ABL2: variants seen among roughly 807,000 people sequenced by gnomAD.
ABL2 encodes the protein ABL proto-oncogene 2, non-receptor tyrosine kinase, also known as tyrosine-protein kinase ABL2.
A neutral mutation model predicts 107.7 loss-of-function variants in ABL2; 49 were observed. The ratio of observed to expected loss-of-function variants is 0.45; its 90% CI spans 0.36 to 0.58. The LOEUF (loss-of-function observed/expected upper bound fraction) is 0.58. Ranked by LOEUF, ABL2 falls within the 20% of genes least tolerant of loss-of-function variation. The probability of loss-of-function intolerance (pLI) is 0.00; values close to 1 mark genes in which losing one functional copy is unlikely to be tolerated. For missense variants in ABL2, 1,245 were observed against 1,457.0 expected (o/e 0.85, Z 2.37); for synonymous variants, 549 against 548.6 (o/e 1.00, Z -0.01).
intron 1 of ABL2, chr1:179,221,523 G>A (rs140106097): frequency 0.08 from 12,187 of 152,494 alleles, 635 homozygotes; most frequent in East Asian, 0.15. Flanking sequence ...CCCAGGAGGT[G>A]GAGGCTGCAG....
At chr1:179,188,005 T>C (rs940746838) in intron 1 of ABL2, among the ~76,000 whole-genome samples, 6 of 152,182 alleles carry the variant, frequency 3.9e-5, no homozygotes, top group Non-Finnish European at 1.5e-5. Context: ...TTCTTTTACT[T>C]TCTTTTTCCT....
chr1:179,169,539 C>T lies in ABL2; in HGVS notation c.158-36165G>A, dbSNP rs537572755. ...CTCCAGCCTGGGCGACAGAGCAAGA[C>T]CCCATCTCAAAATAAAAAAAAAAAA... On this transcript the variant is annotated intron_variant, in intron 1 of 11. Transcript: ENST00000502732. Among the ~76,000 whole-genome samples, 4 of 150,876 alleles carry T rather than the reference C, an allele frequency of 2.7e-5. No homozygotes were observed. The South Asian group carries it at 8.4e-4, about 32-fold the overall frequency.
chr1:179,133,288 C>A, intron 2 of ABL2, 24 bp downstream of exon 2: 8 of 1,614,094 alleles, frequency 5.0e-6, no homozygotes, highest in Non-Finnish European at 5.1e-6. Flanking sequence ...TAGTTCAAAT[C>A]TGCAACATCT....
chr1:179,214,745 T>A (rs952252449), intron 1 of ABL2, among the ~76,000 whole-genome samples: 1 of 151,850 alleles, frequency 6.6e-6, no homozygotes, highest in Non-Finnish European at 1.5e-5. Context: ...AAACAAGTAT[T>A]CATCAATAAG....
At chr1:179,217,171 G>A (rs1421520354) in intron 1 of ABL2, among the ~76,000 whole-genome samples, 2 of 151,666 alleles carry the variant, frequency 1.3e-5, no homozygotes, top group Non-Finnish European at 2.9e-5. Context: ...GCGTGCACCT[G>A]TAATCCCAGC....
chr1:179,109,366 C>T lies in ABL2; in HGVS notation c.1901G>A (p.Ser634Asn). 1 of 1,614,128 alleles carries T rather than the reference C, an allele frequency of 6.2e-7. No individual in the cohort carries two copies. The highest frequency in any genetic ancestry group is 8.5e-7 in the Non-Finnish European group (1 of 1,180,038). ...TGTCTCTTTGGCATCTTCCAAGAGG[C>T]TGCTGGGTGACTTGTCTCTTTGCTT... ...PRKQRDKSPS[S>N]LLEDAKETCF... Residue 634 changes from serine (S) to asparagine (N), a missense_variant, in exon 12 of 12, where the codon AGC becomes AAC. Coordinates refer to ENST00000502732, the MANE Select transcript of ABL2 (RefSeq NM_007314.4).
chr1:179,223,812 C>T (rs1034745892), intron 1 of ABL2, among the ~76,000 whole-genome samples: 6 of 151,940 alleles, frequency 3.9e-5, no homozygotes, highest in Non-Finnish European at 7.4e-5. Context: ...GTGCCAACAG[C>T]CTTCATTCCA....
rs1321430529 is a variant in ABL2, at chr1:179,107,905, G to A, written c.3362C>T (p.Ser1121Leu). 4 of 1,614,128 alleles carry A rather than the reference G, an allele frequency of 2.5e-6. No individual in the cohort carries two copies. Among genetic ancestry groups the A allele is most frequent in the East Asian group, 4.5e-5 (2 of 44,904 alleles). ...TTGAGGGATGCAGTCCACATAGCCT[G>A]AGCAGTAGTCAAGCAGCTGGTGTCC... ...DTGHQLLDYC[S>L]GYVDCIPQTR... is the part of the protein sequence containing the mutation. The change falls in exon 12 of 12, where the codon TCA (serine) becomes TTA (leucine). Residue 1121 changes from serine to leucine, a missense_variant. This residue lies in a region of ABL2 where 761 missense variants were observed against 766.4 expected (regional missense o/e 0.99). Coordinates refer to ENST00000502732, the MANE Select transcript of ABL2 (RefSeq NM_007314.4).
intron 1 of ABL2, among the ~76,000 whole-genome samples, chr1:179,163,454 G>C (rs1659195758): frequency 1.3e-5 from 2 of 152,244 alleles, no homozygotes; most frequent in South Asian, 4.2e-4. Context: ...ATTGAAAATT[G>C]TCCCAAACTG....
chr1:179,139,156 G>A (rs1211589461), intron 1 of ABL2, among the ~76,000 whole-genome samples: 1 of 152,068 alleles, frequency 6.6e-6, no homozygotes, highest in African/African-American at 2.4e-5. Flanking sequence ...TTGTTCTTTC[G>A]CTCTTTGCAA....
chr1:179,141,006 C>T (rs1330482215), intron 1 of ABL2, among the ~76,000 whole-genome samples: 1 of 151,264 alleles, frequency 6.6e-6, no homozygotes, highest in Admixed American at 6.6e-5. Flanking sequence ...ATCCCAACTA[C>T]TCGGGAGGCT....
At chr1:179,144,634 TAA>T (rs1657866875) in intron 1 of ABL2, among the ~76,000 whole-genome samples, 1 of 152,052 alleles carries the variant, frequency 6.6e-6, no homozygotes, top group Non-Finnish European at 1.5e-5. Flanking sequence ...AATTGAAAAA[TAA>T]AATGGTAACT....
In ABL2 at chr1:179,104,430, C is replaced by A; in HGVS notation, c.*3288G>T. On this transcript the variant is annotated 3_prime_UTR_variant, in exon 12 of 12. Transcript: ENST00000502732. ...TATTACCTGGGACATATTTTACTAG[C>A]CAATTTTCAGTTGAATCCTAAGAAA... 4.6e-6 allele frequency: 1 copy of A among 216,930 alleles called. No homozygotes were observed. The highest frequency in any genetic ancestry group is 9.3e-6 in the Non-Finnish European group (1 of 107,774). 13.4% of individuals were successfully genotyped at this position (216,930 alleles called of 1,614,324 possible). A position where few individuals can be genotyped will look rare whatever the true frequency, so the allele number is the denominator to read the frequency against.
intron 9 of ABL2, among the ~76,000 whole-genome samples, chr1:179,114,665 G>A (rs1407517695): frequency 1.3e-5 from 2 of 151,834 alleles, no homozygotes; most frequent in Non-Finnish European, 2.9e-5. Flanking sequence ...TGAGAAACTG[G>A]GTCAATATTT....
At chr1:179,189,469 T>C (rs1174455219) in intron 1 of ABL2, among the ~76,000 whole-genome samples, 1 of 152,134 alleles carries the variant, frequency 6.6e-6, no homozygotes, top group African/African-American at 2.4e-5. Context: ...TCTCCAGGAA[T>C]TTCTCAGAGA....
At position 179,118,643 on chromosome 1, in the gene ABL2, C is replaced by T; in HGVS notation, c.1167G>A (p.Met389Ile). The change falls in exon 7 of 12, where the codon ATG becomes ATA. Residue 389 changes from methionine to isoleucine, a missense_variant. Met to Ile is a conservative substitution (Grantham distance 10). This residue lies in a region of ABL2 where 320 missense variants were observed against 547.0 expected (regional missense o/e 0.59). Transcript: ENST00000502732. ...CCATTGCAGAAGAAATCTGAGTGGC[C>T]ATGTAGAGCAGCACAACTGCAGTCA... is the stretch of plus-strand genomic sequence containing the variant. ...EEVTAVVLLY[M>I]ATQISSAMEY... 4 of 1,613,468 alleles carry T rather than the reference C, an allele frequency of 2.5e-6. No homozygotes were observed. The highest frequency in any genetic ancestry group is 3.4e-6 in the Non-Finnish European group (4 of 1,179,932).
At chr1:179,200,818 T>C (rs1481260436) in intron 1 of ABL2, among the ~76,000 whole-genome samples, 1 of 152,158 alleles carries the variant, frequency 6.6e-6, no homozygotes, top group Non-Finnish European at 1.5e-5. Flanking sequence ...AGGAAAAAGG[T>C]ACATGGGGCA....
chr1:179,132,288 C>T (rs1031497263), intron 2 of ABL2, among the ~76,000 whole-genome samples: 11 of 152,048 alleles, frequency 7.2e-5, no homozygotes, highest in African/African-American at 2.4e-4. Flanking sequence ...CTGTTTTTTC[C>T]TTAAGCCTTT....
At chr1:179,135,393 G>C (rs1656790291) in intron 1 of ABL2, among the ~76,000 whole-genome samples, 1 of 151,536 alleles carries the variant, frequency 6.6e-6, no homozygotes. Context: ...ACCCCGTCCG[G>C]GATGTGAGAA....
Sources: gnomAD v4.1 joint callset for allele counts (sites outside exome capture counted in the v4.1 genomes callset) on GRCh38, gnomAD v4.1.1 for gene constraint, gnomAD v4.1.1 regional missense constraint, MANE v1.5 for transcripts, NCBI Gene and HGNC (gene_info 2026-07-23, HGNC 2026-07-21) for gene names.